ADCY8: variants seen among roughly 807,000 people sequenced by gnomAD.
The protein encoded by ADCY8 is adenylate cyclase 8, also known as adenylate cyclase type 8.
In ADCY8, 51 loss-of-function variants were observed where a neutral mutation model predicts 119.7. The ratio of observed to expected loss-of-function variants is 0.43; its 90% CI spans 0.34 to 0.54. The LOEUF (loss-of-function observed/expected upper bound fraction) is 0.54, where lower values mean the gene tolerates loss of function less well. Among genes scored for constraint, ADCY8 ranks in the 20% least tolerant of loss-of-function variants. The pLI, the probability that ADCY8 is intolerant of heterozygous loss-of-function variation, is 0.03. For missense variants in ADCY8, 1,383 were observed against 1,598.8 expected (o/e 0.87, Z 2.30); for synonymous variants, 665 against 651.0 (o/e 1.02, Z -0.33).
chr8:131,037,600 T>C (rs1824200320), intron 1 of ADCY8, among the ~76,000 whole-genome samples: 1 of 152,116 alleles, frequency 6.6e-6, no homozygotes, highest in Non-Finnish European at 1.5e-5. Context: ...AGCTATGCTT[T>C]ATCGTGAAAA....
At chr8:130,923,174 A>G (rs1820365564) in intron 5 of ADCY8, among the ~76,000 whole-genome samples, 1 of 152,140 alleles carries the variant, frequency 6.6e-6, no homozygotes, top group African/African-American at 2.4e-5. Context: ...AGAGTGAGAC[A>G]AGGGATTTTT....
chr8:130,906,383 C>T (rs148915153), intron 6 of ADCY8, among the ~76,000 whole-genome samples: 1 of 152,110 alleles, frequency 6.6e-6, no homozygotes, highest in African/African-American at 2.4e-5. Context: ...ACATATCAAC[C>T]CCTTTTAGCA....
intron 5 of ADCY8, among the ~76,000 whole-genome samples, chr8:130,914,797 G>T (rs1206215973): frequency 6.6e-6 from 1 of 152,222 alleles, no homozygotes; most frequent in African/African-American, 2.4e-5. Flanking sequence ...GATGACATCT[G>T]CATCTTCTCT....
At chr8:130,906,012 T>C (rs1819772597) in intron 6 of ADCY8, among the ~76,000 whole-genome samples, 1 of 152,166 alleles carries the variant, frequency 6.6e-6, no homozygotes, top group Non-Finnish European at 1.5e-5. Flanking sequence ...AACCAGAAAC[T>C]ACAAACAAAT....
At chr8:130,824,206 C>T (rs1346091513) in intron 12 of ADCY8, among the ~76,000 whole-genome samples, 1 of 152,164 alleles carries the variant, frequency 6.6e-6, no homozygotes, top group South Asian at 2.1e-4. Context: ...TCATAATAAA[C>T]CATTCAGCTT....
At chr8:130,876,506 C>A (rs1021821016) in intron 8 of ADCY8, among the ~76,000 whole-genome samples, 5 of 151,950 alleles carry the variant, frequency 3.3e-5, no homozygotes, top group Admixed American at 3.3e-4. Flanking sequence ...TCCCACTGGC[C>A]TAAGAAAAAA....
At chr8:130,924,474 A>T (rs187734299) in intron 5 of ADCY8, among the ~76,000 whole-genome samples, 29 of 152,272 alleles carry the variant, frequency 1.9e-4, no homozygotes, top group Admixed American at 6.5e-4. Flanking sequence ...TGCTGTATAA[A>T]CAGCATACTT....
intron 5 of ADCY8, among the ~76,000 whole-genome samples, chr8:130,913,683 G>A (rs1439349299): frequency 6.6e-6 from 1 of 152,096 alleles, no homozygotes; most frequent in East Asian, 1.9e-4. Flanking sequence ...AAGTGTGAAT[G>A]AAAAATAAAC....
chr8:130,820,113 C>T (rs1816461658), intron 13 of ADCY8, among the ~76,000 whole-genome samples: 4 of 152,220 alleles, frequency 2.6e-5, no homozygotes, highest in Admixed American at 2.0e-4. Flanking sequence ...GTGCTAGGCA[C>T]ATAGTAGGGA....
intron 4 of ADCY8, among the ~76,000 whole-genome samples, chr8:130,938,119 C>T (rs1820845303): frequency 6.6e-6 from 1 of 152,176 alleles, no homozygotes; most frequent in Non-Finnish European, 1.5e-5. Context: ...GTTTACGAGT[C>T]ACACTGCACA....
At chr8:130,878,709 GA>G (rs1218576775) in intron 8 of ADCY8, among the ~76,000 whole-genome samples, 1 of 152,200 alleles carries the variant, frequency 6.6e-6, no homozygotes, top group Non-Finnish European at 1.5e-5. Context: ...TCTTAAGTTT[GA>G]AAACTATTAG....
At chr8:130,805,052 C>G (rs1317927365) in intron 14 of ADCY8, among the ~76,000 whole-genome samples, 3 of 151,756 alleles carry the variant, frequency 2.0e-5, no homozygotes, top group African/African-American at 7.3e-5. Flanking sequence ...CAGCCTCATG[C>G]CCTTTTCCTT....
At chr8:130,910,730 A>G (rs1819956301) in intron 5 of ADCY8, among the ~76,000 whole-genome samples, 1 of 152,224 alleles carries the variant, frequency 6.6e-6, no homozygotes, top group South Asian at 2.1e-4. Flanking sequence ...TAGGGGATAC[A>G]TGTCTGGTCA....
chr8:131,022,774 T>C (rs1322707329), intron 1 of ADCY8, among the ~76,000 whole-genome samples: 2 of 152,194 alleles, frequency 1.3e-5, no homozygotes, highest in Admixed American at 6.5e-5. Context: ...TAACAACAGA[T>C]AAACTTTTCT....
At chr8:130,958,193 A>G (rs1821490496) in intron 2 of ADCY8, among the ~76,000 whole-genome samples, 1 of 152,252 alleles carries the variant, frequency 6.6e-6, no homozygotes, top group African/African-American at 2.4e-5. Flanking sequence ...AACGCCCACA[A>G]AAAATATGTG....
At chr8:130,858,900 A>G (rs1586492591) in intron 9 of ADCY8, among the ~76,000 whole-genome samples, 4 of 148,698 alleles carry the variant, frequency 2.7e-5, no homozygotes, top group Admixed American at 1.3e-4. Context: ...TATCATGTAT[A>G]TGTGTGTGTG....
chr8:130,803,155 C>T (rs147085519), intron 14 of ADCY8, among the ~76,000 whole-genome samples: 2 of 152,228 alleles, frequency 1.3e-5, no homozygotes, highest in South Asian at 4.1e-4. Context: ...CTATTTCACA[C>T]TTAAATGCTT....
chr8:130,785,611 T>A, intron 15 of ADCY8, 136 bp from the exon 16 acceptor site: 1 of 554,402 alleles, frequency 1.8e-6, no homozygotes, highest in Non-Finnish European at 3.1e-6. Context: ...CTTTTCTCTC[T>A]GAGAATCATG....
chr8:131,036,040 T>C (rs935208910), intron 1 of ADCY8, among the ~76,000 whole-genome samples: 1 of 152,204 alleles, frequency 6.6e-6, no homozygotes, highest in African/African-American at 2.4e-5. Flanking sequence ...CAGTCTTTAA[T>C]AGTTTCAAAT....
Sources: allele counts gnomAD v4.1 joint callset (sites outside exome capture counted in the v4.1 genomes callset), GRCh38; gene constraint gnomAD v4.1.1; transcripts MANE v1.5; gene names NCBI Gene and HGNC (gene_info 2026-07-23, HGNC 2026-07-21).